CERT1: variants seen among roughly 807,000 people sequenced by gnomAD.
The protein encoded by CERT1 is ceramide transporter 1, also known as ceramide transfer protein.
A neutral mutation model predicts 87.9 loss-of-function variants in CERT1; 31 were observed. The observed-to-expected ratio is 0.35, with a 90% CI of 0.27 to 0.48. The LOEUF (loss-of-function observed/expected upper bound fraction) is 0.48. CERT1 is among the 20% of genes least tolerant of loss of function. The pLI, the probability that CERT1 is intolerant of heterozygous loss-of-function variation, is 0.99. For missense variants in CERT1, 487 were observed against 758.0 expected (o/e 0.64, Z 4.20); for synonymous variants, 289 against 250.9 (o/e 1.15, Z -1.44).
intron 8 of CERT1, among the ~76,000 whole-genome samples, chr5:75,408,490 C>G (rs1326861045): frequency 6.6e-6 from 1 of 152,102 alleles, no homozygotes; most frequent in Non-Finnish European, 1.5e-5. Context: ...GAAATAGCAG[C>G]CCGAACCTCA....
At chr5:75,489,621 C>G (rs904314158) in intron 2 of CERT1, among the ~76,000 whole-genome samples, 10 of 152,010 alleles carry the variant, frequency 6.6e-5, no homozygotes, top group Non-Finnish European at 1.2e-4. Flanking sequence ...ATGTGGCCAA[C>G]AAACATGAAA....
In CERT1 at chr5:75,417,022, C is replaced by G. The variant is rs768411890; in HGVS notation, c.691G>C (p.Val231Leu). The change falls in exon 7 of 17, where the codon GTG becomes CTG. Residue 231 changes from valine to leucine, a missense_variant. This residue lies in a region of CERT1 where 173 missense variants were observed against 302.2 expected (regional missense o/e 0.57). Coordinates refer to ENST00000643780, the MANE Select transcript of CERT1 (RefSeq NM_001379029.1). ...NGNKEKLFPH[V>L]TPKGINGIDF... Reference sequence around the variant, plus strand: ...ATACCATTAATTCCTTTTGGTGTCACATGTGGAAATACTGAAAATGAAAAT... The same window carrying G: ...ATACCATTAATTCCTTTTGGTGTCAGATGTGGAAATACTGAAAATGAAAAT... The G allele has an allele frequency of 2.5e-6, 4 of 1,597,048 alleles. No homozygotes were observed. The East Asian group carries it at 9.0e-5, about 36-fold the overall frequency.
At chr5:75,494,736 T>A (rs1766977560) in intron 2 of CERT1, among the ~76,000 whole-genome samples, 1 of 152,220 alleles carries the variant, frequency 6.6e-6, no homozygotes, top group African/African-American at 2.4e-5. Context: ...TTCTCAGATT[T>A]ACTAACTCAC....
At chr5:75,393,620 A>AAAAAAAG (rs1561229710) in intron 11 of CERT1, among the ~76,000 whole-genome samples, 1 of 145,302 alleles carries the variant, frequency 6.9e-6, no homozygotes, top group Admixed American at 7.0e-5. Context: ...AAAAAAAAAA[A>AAAAAAAG]AAAGAAAGTC....
chr5:75,500,072 T>C (rs1417359709), intron 2 of CERT1, among the ~76,000 whole-genome samples: 1 of 152,102 alleles, frequency 6.6e-6, no homozygotes, highest in East Asian at 1.9e-4. Context: ...AAGAATGCCA[T>C]GTGTACATGC....
intron 2 of CERT1, among the ~76,000 whole-genome samples, chr5:75,491,936 C>T (rs1434998791): frequency 6.6e-6 from 1 of 152,132 alleles, no homozygotes; most frequent in Non-Finnish European, 1.5e-5. Context: ...AGTTGTAGCT[C>T]TTCTTACCTT....
At position 75,400,624 on chromosome 5, in the gene CERT1, T is replaced by G. The variant is rs1762431155; in HGVS notation, c.1018-327A>C. 3 of 204,692 alleles carry G rather than the reference T, an allele frequency of 1.5e-5. No homozygotes were observed. In the East Asian group the frequency reaches 3.4e-4, roughly 23 times the overall value. 12.7% of individuals were successfully genotyped at this position (204,692 alleles called of 1,614,324 possible). On this transcript the variant is annotated intron_variant, in intron 9 of 16. Transcript: ENST00000643780. ...TAACGCTGCTGCCAATTCTCTCCTA[T>G]CCAAACCCTGGCCAAATCATTCCAA... is the stretch of plus-strand genomic sequence containing the variant.
chr5:75,383,300 G>C (rs1761661189), intron 14 of CERT1, among the ~76,000 whole-genome samples: 1 of 151,970 alleles, frequency 6.6e-6, no homozygotes, highest in South Asian at 2.1e-4. Flanking sequence ...TTACATATAA[G>C]ATTATTTTAA....
rs776238758 is a variant in CERT1 at position 75,421,181 on chromosome 5, T to C, written c.596-1757A>G. On this transcript the variant is annotated intron_variant, in intron 5 of 16. Transcript: ENST00000643780. Reference sequence around the variant, plus strand: ...TCTACATTTTAAACTAATGTCTTACTTACTGCATGTATCTTTTTACATCAG... The same window carrying C: ...TCTACATTTTAAACTAATGTCTTACCTACTGCATGTATCTTTTTACATCAG... Among the ~76,000 whole-genome samples the C allele has an allele frequency of 9.5e-4, 144 of 152,222 alleles. 1 individual carries two copies. The highest frequency in any genetic ancestry group is 1.7e-3 in the Non-Finnish European group (117 of 68,042).
At chr5:75,469,024 A>G (rs1212561169) in intron 2 of CERT1, among the ~76,000 whole-genome samples, 8 of 152,236 alleles carry the variant, frequency 5.3e-5, no homozygotes. Flanking sequence ...TATTTTAAGG[A>G]AGCTCAATGA....
intron 2 of CERT1, among the ~76,000 whole-genome samples, chr5:75,490,623 C>T (rs971062788): frequency 3.3e-5 from 5 of 152,126 alleles, no homozygotes; most frequent in South Asian, 2.1e-4. Flanking sequence ...CTCAGCCTCC[C>T]GAGTAGCTGG....
At chr5:75,500,940 C>T (rs970383474) in intron 2 of CERT1, among the ~76,000 whole-genome samples, 1 of 151,722 alleles carries the variant, frequency 6.6e-6, no homozygotes, top group Admixed American at 6.6e-5. Context: ...TGGTTCTCTT[C>T]AATTTTGAAC....
intron 2 of CERT1, among the ~76,000 whole-genome samples, chr5:75,478,909 TAAAAAAAAAAAAA>T (rs11438163): frequency 7.4e-4 from 16 of 21,748 alleles, no homozygotes; most frequent in African/African-American, 2.9e-3. Flanking sequence ...AAGTAAGTAC[TAAAAAAAAAAAAA>T]AAAAAAAAAA....
intron 8 of CERT1, among the ~76,000 whole-genome samples, chr5:75,406,932 T>C (rs1762728623): frequency 6.6e-6 from 1 of 152,202 alleles, no homozygotes; most frequent in African/African-American, 2.4e-5. Context: ...AACTTTTTTA[T>C]AATTAGAACA....
At chr5:75,511,067 C>T in intron 1 of CERT1, 45 bp downstream of exon 1, 1 of 1,492,650 alleles carries the variant, frequency 6.7e-7, no homozygotes, top group Non-Finnish European at 8.9e-7. Context: ...TGCCTCGCTG[C>T]AGGTGAGTCT....
intron 5 of CERT1, among the ~76,000 whole-genome samples, chr5:75,421,556 A>G (rs1388492829): frequency 6.6e-6 from 1 of 152,246 alleles, no homozygotes; most frequent in African/African-American, 2.4e-5. Flanking sequence ...CAGTGAAAAT[A>G]CAAAGATGAG....
At chr5:75,476,413 C>A (rs1167629937) in intron 2 of CERT1, among the ~76,000 whole-genome samples, 1 of 152,006 alleles carries the variant, frequency 6.6e-6, no homozygotes, top group Non-Finnish European at 1.5e-5. Flanking sequence ...TCATGTCACT[C>A]CTCTGTTCAA....
intron 2 of CERT1, among the ~76,000 whole-genome samples, chr5:75,473,795 A>G (rs930551776): frequency 1.3e-5 from 2 of 152,222 alleles, no homozygotes; most frequent in Non-Finnish European, 2.9e-5. Context: ...TAACCATTTC[A>G]CAATGTATAT....
chr5:75,444,364 T>C (rs1764448204), intron 3 of CERT1, among the ~76,000 whole-genome samples: 2 of 152,140 alleles, frequency 1.3e-5, no homozygotes, highest in South Asian at 4.1e-4. Context: ...TGATCATGTA[T>C]TTTTAATTCA....
Sources: gnomAD v4.1 joint callset for allele counts (sites outside exome capture counted in the v4.1 genomes callset) on GRCh38, gnomAD v4.1.1 for gene constraint, gnomAD v4.1.1 regional missense constraint, MANE v1.5 for transcripts, NCBI Gene and HGNC (gene_info 2026-07-23, HGNC 2026-07-21) for gene names.